TOLLIP: variants seen among roughly 807,000 people sequenced by gnomAD.
The protein encoded by TOLLIP is toll interacting protein, also known as toll-interacting protein.
TOLLIP carries 16 observed loss-of-function variants against 33.5 expected under a neutral mutation model. The observed-to-expected ratio is 0.48, with a 90% CI of 0.32 to 0.72. The LOEUF is 0.72. TOLLIP is among the 30% of genes least tolerant of loss of function. The pLI is 0.03. For missense variants in TOLLIP, 325 were observed against 396.6 expected, an observed-to-expected ratio of 0.82 and a Z score of 1.53; for synonymous variants, 176 against 163.7, an observed-to-expected ratio of 1.07 and a Z score of -0.57.
At chr11:1,304,087 G>A (rs182088877) in intron 1 of TOLLIP, among the ~76,000 whole-genome samples, 30 of 149,360 alleles carry the variant, frequency 2.0e-4, no homozygotes, top group African/African-American at 7.2e-4. Context: ...CAGGCCAGAA[G>A]CAGCGTATTC....
intron 2 of TOLLIP, among the ~76,000 whole-genome samples, chr11:1,292,423 G>A (rs891246508): frequency 1.4e-4 from 21 of 152,216 alleles, no homozygotes; most frequent in Non-Finnish European, 2.5e-4. Context: ...CAGCATGCCC[G>A]TGCCTGTCAC....
At chr11:1,298,820 G>T (rs933062764) in intron 1 of TOLLIP, among the ~76,000 whole-genome samples, 2 of 152,170 alleles carry the variant, frequency 1.3e-5, no homozygotes, top group African/African-American at 4.8e-5. Flanking sequence ...TCACATCTGG[G>T]TTTTCTTCCC....
intron 1 of TOLLIP, among the ~76,000 whole-genome samples, chr11:1,297,667 C>T (rs3793970): frequency 0.64 from 97,081 of 152,230 alleles, 31,573 homozygotes; most frequent in Non-Finnish European, 0.73. Flanking sequence ...CAGAGCACCC[C>T]GGCTTCACCT....
Position 1,276,080 on chromosome 11 carries a change from G to GCCACGCTCGCCAGGCTTTCCTCGC in TOLLIP, c.*935_*958dup, listed in dbSNP as rs1863291722. 1 of 152,326 alleles carries GCCACGCTCGCCAGGCTTTCCTCGC rather than the reference G, an allele frequency of 6.6e-6. No individual in the cohort carries two copies. The highest frequency in any genetic ancestry group is 1.5e-5 in the Non-Finnish European group (1 of 68,138). 9.4% of individuals were successfully genotyped at this position (152,326 alleles called of 1,614,324 possible). On this transcript the variant is annotated 3_prime_UTR_variant, in exon 6 of 6. Transcript: ENST00000317204. ...TCCCGCCTCAGAAAGCTTTTACAGGGCCACGCTCGCCAGGCTTTCCTCGCC... is the reference window on the plus strand; with the variant it reads ...TCCCGCCTCAGAAAGCTTTTACAGGGCCACGCTCGCCAGGCTTTCCTCGCCCACGCTCGCCAGGCTTTCCTCGCC...
In TOLLIP at chr11:1,309,500, G is replaced by A. The variant is rs1248232172; in HGVS notation, c.-2C>T. On this transcript the variant is annotated 5_prime_UTR_variant, in exon 1 of 6. Transcript: ENST00000317204. ...CTGAGTGCTGACGGTGGTCGCCATG[G>A]TGCTGCGGCGGCCCCCGTGGCTCGC... 1.5e-6 allele frequency: 2 copies of A among 1,313,890 alleles called. No homozygotes were observed. Among genetic ancestry groups the A allele is most frequent in the Non-Finnish European group, 2.0e-6 (2 of 1,024,244 alleles). 81.4% of individuals were successfully genotyped at this position (1,313,890 alleles called of 1,614,324 possible).
At position 1,295,669 on chromosome 11, in the gene TOLLIP, G is replaced by A. The variant is rs780899434; in HGVS notation, c.159C>T (p.Gly53=). ...LQYGGAVGTV[G]RLNITVVQAK... ...CCTGTACCACCGTGATGTTCAGTCG[G>A]CCCACGGTGCCCACTGCGCCTCCGT... The change falls in exon 2 of 6, where the codon GGC becomes GGT. Residue 53 remains glycine (G), a synonymous_variant. Coordinates refer to ENST00000317204, the MANE Select transcript of TOLLIP (RefSeq NM_019009.4). The A allele has an allele frequency of 6.3e-7, 1 of 1,597,632 alleles. No individual in the cohort carries two copies. Among genetic ancestry groups the A allele is most frequent in the South Asian group, 1.1e-5 (1 of 89,910 alleles).
chr11:1,302,903 C>T (rs1864324169), intron 1 of TOLLIP: 1 of 443,654 alleles, frequency 2.3e-6, no homozygotes, highest in Admixed American at 6.4e-5. Context: ...CTTGTCTCCC[C>T]TTCCGGGGCC....
intron 5 of TOLLIP, among the ~76,000 whole-genome samples, chr11:1,280,242 C>T (rs1172449892): frequency 6.6e-6 from 1 of 152,220 alleles, no homozygotes; most frequent in African/African-American, 2.4e-5. Context: ...ATGCCTGGGC[C>T]GCTGGGTGAG....
chr11:1,301,522 C>T (rs1010891413), intron 1 of TOLLIP, among the ~76,000 whole-genome samples: 1 of 152,142 alleles, frequency 6.6e-6, no homozygotes, highest in Non-Finnish European at 1.5e-5. Context: ...TACTAAGGAG[C>T]AAGAAATCCA....
intron 3 of TOLLIP, 68 bp from the exon 4 acceptor site, chr11:1,288,844 C>T: frequency 1.9e-6 from 3 of 1,539,360 alleles, no homozygotes; most frequent in Non-Finnish European, 2.6e-6. Context: ...GCAGCCGCAC[C>T]ATCGTGGGCC....
chr11:1,301,205 C>T (rs1325127342), intron 1 of TOLLIP, among the ~76,000 whole-genome samples: 2 of 152,224 alleles, frequency 1.3e-5, no homozygotes, highest in African/African-American at 4.8e-5. Context: ...TGAACTGAAG[C>T]TTTTGCTTGA....
In TOLLIP at chr11:1,309,277, G is replaced by A. The variant is rs1864521092; in HGVS notation, c.33+189C>T. 2.0e-5 allele frequency among the ~76,000 whole-genome samples: 3 copies of A among 152,010 alleles called. No homozygotes were observed. In the South Asian group the frequency reaches 6.2e-4, roughly 31 times the overall value. On this transcript the variant is annotated intron_variant, in intron 1 of 5. Coordinates refer to ENST00000317204, the MANE Select transcript of TOLLIP (RefSeq NM_019009.4). Reference sequence around the variant, plus strand: ...CTCAAGCCTCCTGCAGCGTGGGCGCGTCCGTCCGGCCCGCCCCGCCCCGAG... The same window carrying A: ...CTCAAGCCTCCTGCAGCGTGGGCGCATCCGTCCGGCCCGCCCCGCCCCGAG...
intron 1 of TOLLIP, among the ~76,000 whole-genome samples, chr11:1,296,385 C>T (rs1445499652): frequency 6.6e-6 from 1 of 152,268 alleles, no homozygotes; most frequent in Non-Finnish European, 1.5e-5. Flanking sequence ...CTGTCCACCA[C>T]TGCCACTTCT....
At chr11:1,301,418 C>T (rs1315022212) in intron 1 of TOLLIP, among the ~76,000 whole-genome samples, 1 of 151,938 alleles carries the variant, frequency 6.6e-6, no homozygotes, top group Non-Finnish European at 1.5e-5. Context: ...CCCCACCCAC[C>T]TCACAGCAGG....
intron 5 of TOLLIP, among the ~76,000 whole-genome samples, chr11:1,281,174 AAT>A (rs1863485772): frequency 6.6e-6 from 1 of 152,222 alleles, no homozygotes; most frequent in Non-Finnish European, 1.5e-5. Context: ...TAATCAAAAT[AAT>A]ACTTTGTTTA....
chr11:1,299,635 G>A (rs957841241), intron 1 of TOLLIP, among the ~76,000 whole-genome samples: 1 of 152,134 alleles, frequency 6.6e-6, no homozygotes, highest in Non-Finnish European at 1.5e-5. Context: ...GATTACTCCC[G>A]ATACATAATG....
chr11:1,292,876 A>T (rs952991538), intron 2 of TOLLIP, among the ~76,000 whole-genome samples: 3 of 152,264 alleles, frequency 2.0e-5, no homozygotes, highest in African/African-American at 7.2e-5. Context: ...ATCTGGAGGA[A>T]GAGCTGCAGG....
intron 4 of TOLLIP, 98 bp downstream of exon 4, chr11:1,288,526 C>T: frequency 1.4e-6 from 2 of 1,403,952 alleles, no homozygotes; most frequent in Non-Finnish European, 1.9e-6. Flanking sequence ...GGGCTCAGTG[C>T]CTCCAGGAAA....
chr11:1,277,098 G>C lies in TOLLIP; in HGVS notation c.766C>G (p.Gln256Glu). The C allele has an allele frequency of 1.2e-6, 2 of 1,614,142 alleles. No homozygotes were observed. Among genetic ancestry groups the C allele is most frequent in the Non-Finnish European group, 1.7e-6 (2 of 1,180,034 alleles). The change falls in exon 6 of 6, where the codon CAG (glutamine) becomes GAG (glutamate). Residue 256 changes from glutamine (Q) to glutamate (E), a missense_variant. By Grantham distance (29) the Gln-to-Glu change is conservative. Coordinates refer to ENST00000317204, the MANE Select transcript of TOLLIP (RefSeq NM_019009.4). This position sits in a 1 kb window ranked among gnomAD's most constrained non-coding sequence, Gnocchi z 4.2. ...QEVIRSVLEA[Q>E]RGNKDAAINS... ...ATGGCGGCATCCTTGTTCCCTCGCT[G>C]GGCTTCCAGCACGGAGCGGATCACC...
Sources: allele counts gnomAD v4.1 joint callset (sites outside exome capture counted in the v4.1 genomes callset), GRCh38; gene constraint gnomAD v4.1.1; non-coding constraint Gnocchi (gnomAD v3.1); transcripts MANE v1.5; gene names NCBI Gene and HGNC (gene_info 2026-07-23, HGNC 2026-07-21).